NKAIN2: variants seen among roughly 807,000 people sequenced by gnomAD.
NKAIN2 encodes sodium/potassium-transporting ATPase subunit beta-1-interacting protein 2.
A neutral mutation model predicts 32.6 loss-of-function variants in NKAIN2; 14 were observed. The observed-to-expected ratio is 0.43, with a 90% CI of 0.28 to 0.67. The LOEUF is 0.67. Among genes scored for constraint, NKAIN2 ranks in the 30% least tolerant of loss-of-function variants. The probability of loss-of-function intolerance (pLI) is 0.17; values close to 1 mark genes in which losing one functional copy is unlikely to be tolerated. For missense variants in NKAIN2, 198 were observed against 258.3 expected (o/e 0.77, Z 1.60); for synonymous variants, 80 against 87.2 (o/e 0.92, Z 0.46).
At chr6:124,645,200 A>G (rs1330973814) in intron 3 of NKAIN2, among the ~76,000 whole-genome samples, 1 of 152,228 alleles carries the variant, frequency 6.6e-6, no homozygotes, top group African/African-American at 2.4e-5. Context: ...GAACATGCAG[A>G]GGAGGATTCC....
chr6:124,520,686 TGC>T (rs1779087613), intron 3 of NKAIN2, among the ~76,000 whole-genome samples: 1 of 152,168 alleles, frequency 6.6e-6, no homozygotes, highest in Non-Finnish European at 1.5e-5. Context: ...TTTGTGGGCT[TGC>T]TAAATCACTT....
intron 3 of NKAIN2, among the ~76,000 whole-genome samples, chr6:124,469,137 G>C (rs1057232315): frequency 2.6e-5 from 4 of 152,180 alleles, no homozygotes; most frequent in African/African-American, 9.7e-5. Flanking sequence ...TGGGTGCTCT[G>C]AATAACTTGA....
intron 1 of NKAIN2, among the ~76,000 whole-genome samples, chr6:124,078,427 T>C (rs1783797653): frequency 6.6e-6 from 1 of 152,182 alleles, no homozygotes; most frequent in African/African-American, 2.4e-5. Context: ...ACCCATTGAC[T>C]CTTATAACCC....
chr6:124,813,153 T>G (rs903702242), intron 5 of NKAIN2, among the ~76,000 whole-genome samples: 3 of 152,134 alleles, frequency 2.0e-5, no homozygotes, highest in Non-Finnish European at 4.4e-5. Context: ...GCACATGAAC[T>G]AAATCTTGAA....
chr6:123,981,407 A>C (rs1287714168), intron 1 of NKAIN2, among the ~76,000 whole-genome samples: 1 of 152,162 alleles, frequency 6.6e-6, no homozygotes, highest in African/African-American at 2.4e-5. Context: ...ACGAGGAAAA[A>C]CAGAACATTT....
chr6:124,004,141 C>G (rs1443072225), intron 1 of NKAIN2, among the ~76,000 whole-genome samples: 13 of 152,118 alleles, frequency 8.5e-5, no homozygotes, highest in Non-Finnish European at 2.9e-5. Flanking sequence ...GGATATGAAC[C>G]ACTTTTAATA....
At chr6:124,210,336 A>G (rs1189118109) in intron 1 of NKAIN2, among the ~76,000 whole-genome samples, 2 of 151,836 alleles carry the variant, frequency 1.3e-5, no homozygotes, top group Admixed American at 6.6e-5. Context: ...TTCGATTACT[A>G]TAACTATGTA....
chr6:124,684,121 G>T (rs747289603), intron 4 of NKAIN2, among the ~76,000 whole-genome samples: 1 of 152,112 alleles, frequency 6.6e-6, no homozygotes, highest in Non-Finnish European at 1.5e-5. Flanking sequence ...TTTTAGGCAT[G>T]TACCAATTCC....
chr6:124,690,624 T>A (rs1280758886), intron 4 of NKAIN2, among the ~76,000 whole-genome samples: 8 of 152,142 alleles, frequency 5.3e-5, no homozygotes, highest in African/African-American at 1.9e-4. Context: ...GCCTCAGGAT[T>A]TTTTACCCAT....
rs73563145 is a variant in NKAIN2 at position 124,096,225 on chromosome 6, G to T, written c.55-186780G>T. 9.4e-3 allele frequency among the ~76,000 whole-genome samples: 1,437 copies of T among 152,248 alleles called. 18 individuals are homozygous for T. Among genetic ancestry groups the T allele is most frequent in the African/African-American group, 0.033 (1,367 of 41,544 alleles). ...TGGTCTCCAAAATGTCATACAGGAT[G>T]ATCCAACATTATCAACTCAGTGTAA... On this transcript the variant is annotated intron_variant, in intron 1 of 6. Transcript: ENST00000368417.
intron 1 of NKAIN2, among the ~76,000 whole-genome samples, chr6:124,280,221 A>C (rs1259469399): frequency 6.6e-6 from 1 of 152,206 alleles, no homozygotes; most frequent in African/African-American, 2.4e-5. Flanking sequence ...GAGATGGGTT[A>C]AAAGAGGGAA....
At chr6:124,712,362 GGCT>G (rs371459298) in intron 4 of NKAIN2, among the ~76,000 whole-genome samples, 7 of 98,698 alleles carry the variant, frequency 7.1e-5, no homozygotes, top group Admixed American at 9.4e-5. Flanking sequence ...GGAGCTTTCT[GGCT>G]GCTTTGTTTA....
intron 3 of NKAIN2, among the ~76,000 whole-genome samples, chr6:124,646,715 C>T (rs1295594870): frequency 1.3e-5 from 2 of 152,098 alleles, no homozygotes; most frequent in African/African-American, 4.8e-5. Context: ...GTTTGGGAAG[C>T]CGAGGCGAGT....
chr6:124,779,715 A>G (rs1242945412), intron 4 of NKAIN2, among the ~76,000 whole-genome samples: 1 of 152,158 alleles, frequency 6.6e-6, no homozygotes, highest in Non-Finnish European at 1.5e-5. Context: ...GACCACAAAT[A>G]TGGGGTCCAT....
chr6:124,344,607 G>T (rs1327642150), intron 2 of NKAIN2, among the ~76,000 whole-genome samples: 3 of 151,918 alleles, frequency 2.0e-5, no homozygotes, highest in Non-Finnish European at 2.9e-5. Context: ...GTGAATGGGA[G>T]TTCACTCATG....
At chr6:123,981,017 G>T (rs938055012) in intron 1 of NKAIN2, among the ~76,000 whole-genome samples, 4 of 151,800 alleles carry the variant, frequency 2.6e-5, no homozygotes, top group South Asian at 4.2e-4. Context: ...CTACAGGCAC[G>T]CACCACCATG....
chr6:124,729,736 G>T (rs1054692327), intron 4 of NKAIN2, among the ~76,000 whole-genome samples: 4 of 151,200 alleles, frequency 2.6e-5, no homozygotes, highest in African/African-American at 7.3e-5. Flanking sequence ...AGGAAATAAA[G>T]GGTATTCAAT....
chr6:124,814,443 C>T (rs1169723819), intron 5 of NKAIN2, among the ~76,000 whole-genome samples: 1 of 152,172 alleles, frequency 6.6e-6, no homozygotes, highest in Non-Finnish European at 1.5e-5. Context: ...TGCTTCTTTT[C>T]TCATCTTGGT....
At chr6:123,846,576 G>T (rs1289547458) in intron 1 of NKAIN2, among the ~76,000 whole-genome samples, 2 of 152,116 alleles carry the variant, frequency 1.3e-5, no homozygotes, top group Admixed American at 6.6e-5. Flanking sequence ...TGAACTAAGT[G>T]GGATGTTAAT....
Sources: allele counts gnomAD v4.1 joint callset (sites outside exome capture counted in the v4.1 genomes callset), GRCh38; gene constraint gnomAD v4.1.1; transcripts MANE v1.5; gene names NCBI Gene and HGNC (gene_info 2026-07-23, HGNC 2026-07-21).